The following ATP13A2 variants were observed in gnomAD, a reference collection of about 807,000 sequenced individuals.
ATP13A2 encodes the protein polyamine-transporting ATPase 13A2.
A neutral mutation model predicts 138.3 loss-of-function variants in ATP13A2; 83 were observed. The ratio of observed to expected loss-of-function variants is 0.60; its 90% CI spans 0.50 to 0.72. The LOEUF is 0.72. ATP13A2 is among the 30% of genes least tolerant of loss of function. The probability of loss-of-function intolerance (pLI) is 0.00; values close to 1 mark genes in which losing one functional copy is unlikely to be tolerated. For missense variants in ATP13A2, 1,402 were observed against 1,606.4 expected (o/e 0.87, Z 2.17); for synonymous variants, 663 against 699.0 (o/e 0.95, Z 0.81).
In ATP13A2 at chr1:17,000,103, T is replaced by A; in HGVS notation, c.947A>T (p.Asp316Val). The A allele has an allele frequency of 6.2e-7, 1 of 1,613,402 alleles. No individual in the cohort carries two copies. Among genetic ancestry groups the A allele is most frequent in the East Asian group, 2.2e-5 (1 of 44,854 alleles). Residue 316 changes from aspartate to valine, a missense_variant, in exon 11 of 29, where the codon GAC (aspartate) becomes GTC (valine). Coordinates refer to ENST00000326735, the MANE Select transcript of ATP13A2 (RefSeq NM_022089.4). ...ACCCTCCTGGGGCAGCACCAGGCAG[T>A]CTCCGGGCACTAGCTCACTGGAGTC... ...WVDSSELVPGDCLVLPQEGGL... is the reference protein window; with the variant it reads ...WVDSSELVPGVCLVLPQEGGL...
At chr1:16,991,599 A>G in intron 20 of ATP13A2, 135 bp downstream of exon 20, 1 of 1,315,998 alleles carries the variant, frequency 7.6e-7, no homozygotes, top group Non-Finnish European at 1.1e-6. Flanking sequence ...AAGATTCACG[A>G]AATGTTTAAA....
In ATP13A2 at chr1:16,993,709, T is replaced by C; in HGVS notation, c.1669A>G (p.Thr557Ala). ...TGGAGCCGGCTGAGGGCATGGCAGG[T>C]GGCCAGTGCTCGGAGCAGGGGCCCC... Reference protein sequence around the residue: ...PVGPLLRALATCHALSRLQDT... With the variant: ...PVGPLLRALAACHALSRLQDT... The change falls in exon 16 of 29, where the codon ACC becomes GCC. Residue 557 changes from threonine to alanine, a missense_variant. Physicochemically the swap from Thr to Ala is moderately conservative, Grantham distance 58 (BLOSUM62 0). Coordinates refer to ENST00000326735, the MANE Select transcript of ATP13A2 (RefSeq NM_022089.4). The C allele has an allele frequency of 6.3e-7, 1 of 1,592,242 alleles. No individual in the cohort carries two copies. Among genetic ancestry groups the C allele is most frequent in the Non-Finnish European group, 8.5e-7 (1 of 1,170,442 alleles).
intron 12 of ATP13A2, 29 bp from the exon 13 acceptor site, chr1:16,996,525 G>T: frequency 1.3e-6 from 2 of 1,591,678 alleles, no homozygotes; most frequent in Non-Finnish European, 8.6e-7. Flanking sequence ...CCCCAAGGCA[G>T]GGAAGCCAGG....
At chr1:16,996,793 G>A (rs536195326) in intron 12 of ATP13A2, 11 of 657,006 alleles carry the variant, frequency 1.7e-5, no homozygotes, top group Non-Finnish European at 2.6e-5. Context: ...TGTAACCCCG[G>A]CGGCTCCTCC....
At position 17,005,795 on chromosome 1, in the gene ATP13A2, G is replaced by A; in HGVS notation, c.11-17C>T. The A allele has an allele frequency of 6.3e-7, 1 of 1,598,178 alleles. No individual in the cohort carries two copies. On this transcript the variant is annotated splice_polypyrimidine_tract_variant and intron_variant, in intron 1 of 28. Coordinates refer to ENST00000326735, the MANE Select transcript of ATP13A2 (RefSeq NM_022089.4). ...GGCTGCTGTCTGTGGACAGAAAAGA[G>A]AAAGGTCATTTGGGGAGGCACCTTC...
intron 6 of ATP13A2, 65 bp from the exon 7 acceptor site, chr1:17,002,438 T>G: frequency 6.4e-7 from 1 of 1,560,620 alleles, no homozygotes; most frequent in Non-Finnish European, 8.7e-7. Flanking sequence ...CCCCACCCTG[T>G]GCAGGCTGGA....
rs1373811218 is a variant in ATP13A2, at chr1:16,995,579, C to G, written c.1542+397G>C. On this transcript the variant is annotated intron_variant, in intron 15 of 28. Coordinates refer to ENST00000326735, the MANE Select transcript of ATP13A2 (RefSeq NM_022089.4). This position sits in a 1 kb window ranked among gnomAD's most constrained non-coding sequence, Gnocchi z 4.1. ...TCTCCTGCCTCAGCCTCCCGAGTAG[C>G]TGGGATTACAAGCATGTGCCATCAT... The G allele has an allele frequency of 2.9e-6, 1 of 339,968 alleles. No homozygotes were observed. The highest frequency in any genetic ancestry group is 5.8e-6 in the Non-Finnish European group (1 of 172,660). 21.1% of individuals were successfully genotyped at this position (339,968 alleles called of 1,614,324 possible). A position where few individuals can be genotyped will look rare whatever the true frequency, so the allele number is the denominator to read the frequency against.
At position 16,997,926 on chromosome 1, in the gene ATP13A2, G is replaced by A. The variant is rs191251536; in HGVS notation, c.1040-751C>T. On this transcript the variant is annotated intron_variant, in intron 11 of 28. Coordinates refer to ENST00000326735, the MANE Select transcript of ATP13A2 (RefSeq NM_022089.4). ...GGGGAGAGAAATATTTACATGGAGG[G>A]GGCAAATATTTCCATGAGTTGGAGT... 3.4e-4 allele frequency among the ~76,000 whole-genome samples: 51 copies of A among 151,872 alleles called. No homozygotes were observed. In the East Asian group the frequency reaches 8.6e-3, roughly 26 times the overall value.
rs2076769863 is a variant in ATP13A2 at position 16,987,247 on chromosome 1, AG to A, written c.2881del (p.Leu961CysfsTer18). ...GACCAGGTCGATGGCCAGGAACTGC[AG>A]GTCACCCAGGTTGGTGTTGATCTGC... ...LYTINTNLGD[L>X]QFLAIDLVIT... On this transcript the variant is annotated frameshift_variant, in exon 26 of 29. Coordinates refer to ENST00000326735, the MANE Select transcript of ATP13A2 (RefSeq NM_022089.4). LOFTEE classifies it high-confidence loss of function. 6.2e-7 allele frequency: 1 copy of A among 1,613,682 alleles called. No homozygotes were observed.
intron 1 of ATP13A2, among the ~76,000 whole-genome samples, chr1:17,009,392 T>TG (rs2077694729): frequency 6.8e-6 from 1 of 147,578 alleles, no homozygotes; most frequent in African/African-American, 2.5e-5. Context: ...TCTTCCTTTT[T>TG]TTTTTTTTTT....
chr1:16,992,547 A>G lies in ATP13A2; in HGVS notation c.1784T>C (p.Phe595Ser). Residue 595 changes from phenylalanine to serine, a missense_variant, in exon 17 of 29, where the codon TTT becomes TCT. Phe to Ser is a radical substitution (Grantham distance 155). Transcript: ENST00000326735. ...LEEEPAADSA[F>S]GTQVLAVMRP... The stretch of plus-strand genomic sequence containing the variant: ...CATCACTGCCAAGACCTGGGTCCCA[A>G]ATGCTGAGTCTGCAGCCGGCTCTTC... 1 of 1,614,174 alleles carries G rather than the reference A, an allele frequency of 6.2e-7. No homozygotes were observed. Among genetic ancestry groups the G allele is most frequent in the East Asian group, 2.2e-5 (1 of 44,874 alleles).
At chr1:16,999,051 A>G (rs1557699677) in intron 11 of ATP13A2, among the ~76,000 whole-genome samples, 1 of 152,002 alleles carries the variant, frequency 6.6e-6, no homozygotes, top group Non-Finnish European at 1.5e-5. Flanking sequence ...GCCATCTGGA[A>G]TCTTTATGAC....
At chr1:17,006,395 CATGCACCACCAT>C (rs2101153144) in intron 1 of ATP13A2, among the ~76,000 whole-genome samples, 1 of 151,728 alleles carries the variant, frequency 6.6e-6, no homozygotes, top group East Asian at 2.0e-4. Flanking sequence ...GGATTATAGG[CATGCACCACCAT>C]GCCCAGCTAA....
At chr1:16,994,275 C>T (rs766531477) in intron 15 of ATP13A2, among the ~76,000 whole-genome samples, 1 of 151,790 alleles carries the variant, frequency 6.6e-6, no homozygotes, top group Admixed American at 6.6e-5. Context: ...CTCTGTCGCC[C>T]GCGCTGGAGT....
intron 1 of ATP13A2, among the ~76,000 whole-genome samples, chr1:17,007,849 C>T (rs974942298): frequency 3.9e-5 from 6 of 152,024 alleles, no homozygotes; most frequent in Non-Finnish European, 8.8e-5. Flanking sequence ...CAGCGCCCGG[C>T]GAGCCCTTCT....
chr1:16,986,212 G>T lies in ATP13A2; in HGVS notation c.*9C>A, dbSNP rs773484997. 7.7e-5 allele frequency: 124 copies of T among 1,612,432 alleles called. 1 individual carries two copies. In the South Asian group the frequency reaches 1.3e-3, roughly 17 times the overall value. On this transcript the variant is annotated 3_prime_UTR_variant, in exon 29 of 29. Coordinates refer to ENST00000326735, the MANE Select transcript of ATP13A2 (RefSeq NM_022089.4). This position sits in a 1 kb window ranked among gnomAD's most constrained non-coding sequence, Gnocchi z 6.9. The stretch of plus-strand genomic sequence containing the variant: ...GAGTTCCAGTGTCTGGGGTGCCCGT[G>T]GGCCTGCACTACCTCAGGGGGCCGG...
At position 16,990,208 on chromosome 1, in the gene ATP13A2, G is replaced by A. The variant is rs144708504; in HGVS notation, c.2331C>T (p.His777=). The change falls in exon 21 of 29, where the codon CAC becomes CAT. Residue 777 remains histidine (H), a synonymous_variant. Coordinates refer to ENST00000326735, the MANE Select transcript of ATP13A2 (RefSeq NM_022089.4). ...GCTGACCCCGCTCAGGGTGGGTGGC[G>A]TGGACGATGATCAGATGCTCCTGGG... ...VAPQEHLIIV[H]ATHPERGQPA... is the part of the protein sequence containing the mutation. 4.0e-4 allele frequency: 639 copies of A among 1,613,898 alleles called. 2 individuals are homozygous for A. The highest frequency in any genetic ancestry group is 3.7e-4 in the African/African-American group (28 of 74,942).
At chr1:16,989,463 G>A (rs750526419) in intron 23 of ATP13A2, among the ~76,000 whole-genome samples, 2 of 151,932 alleles carry the variant, frequency 1.3e-5, no homozygotes, top group Non-Finnish European at 2.9e-5. Context: ...CTCCCACCTC[G>A]GCCACTCAAA....
In ATP13A2 at chr1:16,989,570, G is replaced by C; in HGVS notation, c.2609+121C>G. 6 of 929,868 alleles carry C rather than the reference G, an allele frequency of 6.5e-6. No homozygotes were observed. In the South Asian group the frequency reaches 8.2e-5, roughly 13 times the overall value. 57.6% of individuals were successfully genotyped at this position (929,868 alleles called of 1,614,324 possible). A position where few individuals can be genotyped will look rare whatever the true frequency, so the allele number is the denominator to read the frequency against. On this transcript the variant is annotated intron_variant, in intron 23 of 28. Coordinates refer to ENST00000326735, the MANE Select transcript of ATP13A2 (RefSeq NM_022089.4). The stretch of plus-strand genomic sequence containing the variant: ...GAGCCTGCCTGCTTTTGGTGAGGAG[G>C]GGTGACAGCTCTCTGGTGCCTGAGG...
Sources: gnomAD v4.1 joint callset for allele counts (sites outside exome capture counted in the v4.1 genomes callset) on GRCh38, gnomAD v4.1.1 for gene constraint, Gnocchi (gnomAD v3.1) non-coding constraint, MANE v1.5 for transcripts, NCBI Gene and HGNC (gene_info 2026-07-23, HGNC 2026-07-21) for gene names.